ZBTB16: variants seen among roughly 807,000 people sequenced by gnomAD.
ZBTB16 encodes the protein zinc finger and BTB domain-containing protein 16.
Under a neutral mutation model 56.8 loss-of-function variants are expected in ZBTB16, and 8 were observed. The ratio of observed to expected loss-of-function variants is 0.14; its 90% CI spans 0.08 to 0.25. ZBTB16 has a LOEUF of 0.25. Among genes scored for constraint, ZBTB16 ranks in the 10% least tolerant of loss-of-function variants. ZBTB16 has a pLI of 1.00. For synonymous variants in ZBTB16, 363 were observed against 368.5 expected (o/e 0.98, Z 0.17); for missense variants, 625 against 903.0 (o/e 0.69, Z 3.95).
intron 2 of ZBTB16, among the ~76,000 whole-genome samples, chr11:114,151,873 C>T (rs1221708294): frequency 6.6e-6 from 1 of 152,184 alleles, no homozygotes; most frequent in East Asian, 1.9e-4. Flanking sequence ...GGTCAGCTCT[C>T]TCTGGAAGCT....
intron 3 of ZBTB16, among the ~76,000 whole-genome samples, chr11:114,157,133 C>A (rs115381330): frequency 6.6e-6 from 1 of 152,164 alleles, no homozygotes; most frequent in African/African-American, 2.4e-5. Flanking sequence ...ACCTTGGAGT[C>A]ATTTTTTAGG....
Position 114,166,034 on chromosome 11 carries a change from A to G in ZBTB16, c.1366+9600A>G, listed in dbSNP as rs1459591551. 2.0e-5 allele frequency among the ~76,000 whole-genome samples: 3 copies of G among 151,862 alleles called. No individual in the cohort carries two copies. The East Asian group carries it at 5.8e-4, about 29-fold the overall frequency. ...ACCCAGAGCAACCAGGTAGGCAGCC[A>G]CTCTTGGTAGCATCCTGGCCTCCAC... On this transcript the variant is annotated intron_variant, in intron 3 of 6. Coordinates refer to ENST00000335953, the MANE Select transcript of ZBTB16 (RefSeq NM_006006.6).
chr11:114,065,801 G>A (rs1263854154), intron 2 of ZBTB16, among the ~76,000 whole-genome samples: 1 of 152,222 alleles, frequency 6.6e-6, no homozygotes, highest in Non-Finnish European at 1.5e-5. Context: ...AAGAGGCAGA[G>A]CTGGATTCAA....
At chr11:114,121,238 T>A (rs1223419761) in intron 2 of ZBTB16, among the ~76,000 whole-genome samples, 1 of 151,594 alleles carries the variant, frequency 6.6e-6, no homozygotes, top group Admixed American at 6.6e-5. Context: ...ACTCCCACCA[T>A]GGCTAATTCC....
chr11:114,186,789 C>T (rs1943370246), intron 3 of ZBTB16, among the ~76,000 whole-genome samples, 163 bp from the exon 4 acceptor site: 1 of 152,158 alleles, frequency 6.6e-6, no homozygotes. Context: ...GGTGAATGCT[C>T]ACCTCTTGGA....
chr11:114,101,672 G>T (rs1040862217), intron 2 of ZBTB16, among the ~76,000 whole-genome samples: 2 of 152,172 alleles, frequency 1.3e-5, no homozygotes, highest in Non-Finnish European at 2.9e-5. Context: ...GGACGATATT[G>T]CCTAACTTGT....
chr11:114,234,495 C>T (rs1160695845), intron 4 of ZBTB16, among the ~76,000 whole-genome samples: 1 of 152,184 alleles, frequency 6.6e-6, no homozygotes, highest in Non-Finnish European at 1.5e-5. Context: ...ATTTGGCCTT[C>T]ATTGCCCACA....
At chr11:114,084,799 T>C (rs965367616) in intron 2 of ZBTB16, among the ~76,000 whole-genome samples, 2 of 152,174 alleles carry the variant, frequency 1.3e-5, no homozygotes, top group African/African-American at 4.8e-5. Flanking sequence ...ACAGTCAATG[T>C]TTAGATGAGC....
At chr11:114,238,744 A>G (rs994455433) in intron 4 of ZBTB16, among the ~76,000 whole-genome samples, 2 of 151,904 alleles carry the variant, frequency 1.3e-5, no homozygotes, top group Non-Finnish European at 2.9e-5. Context: ...TCTGACTCCC[A>G]TCACCCTCCC....
At chr11:114,239,391 G>A (rs2135193540) in intron 4 of ZBTB16, among the ~76,000 whole-genome samples, 1 of 152,230 alleles carries the variant, frequency 6.6e-6, no homozygotes, top group East Asian at 1.9e-4. Flanking sequence ...GCTTAATTTG[G>A]GCTCTCTGTG....
intron 3 of ZBTB16, among the ~76,000 whole-genome samples, chr11:114,159,949 G>GGGA (rs1565658368): frequency 6.9e-5 from 10 of 145,470 alleles, no homozygotes; most frequent in Non-Finnish European, 1.2e-4. Flanking sequence ...GGGGGGAGGC[G>GGGA]AGCATTTTTT....
chr11:114,252,991 AC>A lies in ZBTB16; in HGVS notation c.*2437del, dbSNP rs1040688595. Among the ~76,000 whole-genome samples, 12 of 152,224 alleles carry A rather than the reference AC, an allele frequency of 7.9e-5. No individual in the cohort carries two copies. The highest frequency in any genetic ancestry group is 2.7e-4 in the African/African-American group (11 of 41,466). The stretch of plus-strand genomic sequence containing the variant: ...AAGGAAAAGAAGTTAAACTTGAAAT[AC>A]GTGACTAGAACAGTTGTCATGTTTA... On this transcript the variant is annotated 3_prime_UTR_variant, in exon 7 of 7. Transcript: ENST00000335953.
chr11:114,148,596 C>T (rs613803), intron 2 of ZBTB16, among the ~76,000 whole-genome samples: 13,824 of 150,852 alleles, frequency 0.092, 692 homozygotes, highest in Admixed American at 0.13. Flanking sequence ...TGGGTTCAAG[C>T]GATTCTCCTG....
chr11:114,078,670 A>T (rs973894526), intron 2 of ZBTB16, among the ~76,000 whole-genome samples: 2 of 152,134 alleles, frequency 1.3e-5, no homozygotes, highest in Non-Finnish European at 2.9e-5. Context: ...GAGATGCTAA[A>T]GATAGTGAAA....
intron 4 of ZBTB16, among the ~76,000 whole-genome samples, chr11:114,193,028 T>G (rs902420080): frequency 9.9e-5 from 15 of 152,170 alleles, no homozygotes; most frequent in African/African-American, 2.9e-4. Context: ...TGGCACCTGC[T>G]GGGGATATGA....
At chr11:114,124,063 A>G (rs1172061339) in intron 2 of ZBTB16, among the ~76,000 whole-genome samples, 2 of 137,132 alleles carry the variant, frequency 1.5e-5, no homozygotes, top group Non-Finnish European at 3.2e-5. Flanking sequence ...TTTTAAGGTC[A>G]CTCTGCTTTG....
intron 2 of ZBTB16, among the ~76,000 whole-genome samples, chr11:114,117,289 G>T (rs867452178): frequency 6.6e-6 from 1 of 152,038 alleles, no homozygotes; most frequent in African/African-American, 2.4e-5. Flanking sequence ...GAGAGAAGCC[G>T]ACCTTTTATT....
intron 4 of ZBTB16, among the ~76,000 whole-genome samples, chr11:114,237,899 A>G (rs982094992): frequency 1.3e-5 from 2 of 152,140 alleles, no homozygotes; most frequent in African/African-American, 4.8e-5. Flanking sequence ...GTGGATGCTG[A>G]GTCTCAGAGG....
chr11:114,163,966 C>T (rs1357347731), intron 3 of ZBTB16, among the ~76,000 whole-genome samples: 3 of 152,208 alleles, frequency 2.0e-5, no homozygotes, highest in Non-Finnish European at 4.4e-5. Context: ...AGAGCCCCCT[C>T]GTTGCTAAGT....
Sources: allele counts gnomAD v4.1 joint callset (sites outside exome capture counted in the v4.1 genomes callset), GRCh38; gene constraint gnomAD v4.1.1; transcripts MANE v1.5; gene names NCBI Gene and HGNC (gene_info 2026-07-23, HGNC 2026-07-21).